The following TRPC5 variants were observed in gnomAD, a reference collection of about 807,000 sequenced individuals.
TRPC5 encodes short transient receptor potential channel 5.
In TRPC5, 9 loss-of-function variants were observed where a neutral mutation model predicts 56.5. That is an observed-to-expected ratio of 0.16 (90% CI 0.10 to 0.28). The LOEUF is 0.28. TRPC5 is among the 10% of genes least tolerant of loss of function. The pLI is 1.00. For synonymous variants in TRPC5, 282 were observed against 278.5 expected, an observed-to-expected ratio of 1.01 and a Z score of -0.13; for missense variants, 469 against 748.9, an observed-to-expected ratio of 0.63 and a Z score of 4.36.
intron 2 of TRPC5, among the ~76,000 whole-genome samples, chrX:111,949,642 G>A (rs1367293267): frequency 1.8e-5 from 2 of 111,708 alleles, no homozygotes; most frequent in Non-Finnish European, 3.8e-5. Flanking sequence ...ACCACAGAGC[G>A]ATACCACCTC....
chrX:111,865,895 T>C (rs1205003660), intron 3 of TRPC5, among the ~76,000 whole-genome samples: 3 of 112,849 alleles, frequency 2.7e-5, no homozygotes, highest in Non-Finnish European at 5.6e-5. Flanking sequence ...ACTCTTAACA[T>C]TGGAAGATTA....
At chrX:112,074,317 T>A (rs377264576) in intron 1 of TRPC5, among the ~76,000 whole-genome samples, 28 of 106,519 alleles carry the variant, frequency 2.6e-4, no homozygotes, top group African/African-American at 7.2e-4. Context: ...ATATATATAT[T>A]TTTTATTGGG....
intron 7 of TRPC5, among the ~76,000 whole-genome samples, chrX:111,787,998 G>A (rs1190017322): frequency 8.9e-6 from 1 of 111,943 alleles, no homozygotes; most frequent in Non-Finnish European, 1.9e-5. Flanking sequence ...AGAGGAGCTG[G>A]TACCATTCCT....
At chrX:111,972,677 A>G (rs1927816981) in intron 1 of TRPC5, among the ~76,000 whole-genome samples, 2 of 112,210 alleles carry the variant, frequency 1.8e-5, no homozygotes, top group South Asian at 7.4e-4. Flanking sequence ...CAAAGGTTGT[A>G]TACATTCTAC....
chrX:112,009,042 T>C (rs1928922109), intron 1 of TRPC5, among the ~76,000 whole-genome samples: 1 of 111,706 alleles, frequency 9.0e-6, no homozygotes, highest in African/African-American at 3.3e-5. Context: ...TTTTCTCAAA[T>C]GCTGCCCTAG....
intron 3 of TRPC5, chrX:111,903,407 G>A (rs968527263): frequency 7.1e-5 from 8 of 112,370 alleles, no homozygotes; most frequent in Admixed American, 3.8e-4. Context: ...GGAAAGCCAT[G>A]ATATGGAGTT....
chrX:111,987,942 A>G (rs987006185), intron 1 of TRPC5, among the ~76,000 whole-genome samples: 1 of 112,733 alleles, frequency 8.9e-6, no homozygotes, highest in African/African-American at 3.2e-5. Flanking sequence ...ATCCAGAAAT[A>G]TCCTTATGGA....
In TRPC5 at chrX:111,768,699, C is replaced by T. The variant is rs963860212; in HGVS notation, c.*7614G>A. On this transcript the variant is annotated 3_prime_UTR_variant, in exon 11 of 11. Coordinates refer to ENST00000262839, the MANE Select transcript of TRPC5 (RefSeq NM_012471.3). The stretch of plus-strand genomic sequence containing the variant: ...ACACTTAATTTTAAAGTTAATTTAT[C>T]GAATTGAATTTCCTTTTACATTAAA... Among the ~76,000 whole-genome samples the T allele has an allele frequency of 1.8e-5, 2 of 111,637 alleles. No individual in the cohort carries two copies. Among genetic ancestry groups the T allele is most frequent in the African/African-American group, 6.5e-5 (2 of 30,713 alleles).
intron 3 of TRPC5, chrX:111,902,231 TTCTC>T (rs1462153658): frequency 1.2e-6 from 1 of 855,409 alleles, no homozygotes; most frequent in African/African-American, 2.1e-5. Context: ...AACTGATCAT[TTCTC>T]TGTTTTAATA....
chrX:111,860,197 T>C lies in TRPC5; in HGVS notation c.901-6091A>G, dbSNP rs374574652. 1.7e-3 allele frequency among the ~76,000 whole-genome samples: 195 copies of C among 112,761 alleles called. 1 individual carries two copies. Among genetic ancestry groups the C allele is most frequent in the Middle Eastern group, 0.014 (3 of 217 alleles). ...TGCTGGGATTACAGGCGTGAGCCAC[T>C]ACGCCTGGCCTACTTATAGCCAGTT... is the stretch of plus-strand genomic sequence containing the variant. On this transcript the variant is annotated intron_variant, in intron 3 of 10. Coordinates refer to ENST00000262839, the MANE Select transcript of TRPC5 (RefSeq NM_012471.3).
intron 3 of TRPC5, among the ~76,000 whole-genome samples, chrX:111,861,812 C>T (rs1312873674): frequency 3.6e-5 from 4 of 111,373 alleles, no homozygotes; most frequent in African/African-American, 1.3e-4. Flanking sequence ...CAAGTGAAGC[C>T]TTATTAGTTC....
chrX:111,848,036 G>A (rs1248871515), intron 5 of TRPC5, among the ~76,000 whole-genome samples: 3 of 111,777 alleles, frequency 2.7e-5, no homozygotes, highest in Non-Finnish European at 5.6e-5. Flanking sequence ...TTAGCAGGCT[G>A]TAATGTATTC....
intron 3 of TRPC5, among the ~76,000 whole-genome samples, chrX:111,898,954 A>T (rs994696385): frequency 9.1e-6 from 1 of 110,251 alleles, no homozygotes; most frequent in Non-Finnish European, 1.9e-5. Flanking sequence ...CTAGGCATAA[A>T]CTATCCAAAA....
chrX:111,992,241 A>G (rs1354453690), intron 1 of TRPC5, among the ~76,000 whole-genome samples: 1 of 112,450 alleles, frequency 8.9e-6, no homozygotes, highest in Non-Finnish European at 1.9e-5. Flanking sequence ...GAAACTTTTG[A>G]AGGTGATGGA....
At chrX:112,018,487 T>C (rs1392093571) in intron 1 of TRPC5, among the ~76,000 whole-genome samples, 2 of 112,167 alleles carry the variant, frequency 1.8e-5, no homozygotes, top group Non-Finnish European at 3.8e-5. Context: ...TGTTGTTCCA[T>C]TTACAAATAT....
chrX:111,824,626 A>G (rs1335638127), intron 7 of TRPC5, among the ~76,000 whole-genome samples: 1 of 111,511 alleles, frequency 9.0e-6, no homozygotes, highest in Non-Finnish European at 1.9e-5. Flanking sequence ...GTGCTGAGCC[A>G]GGTAGACAGC....
intron 1 of TRPC5, among the ~76,000 whole-genome samples, chrX:111,970,775 G>GTT (rs761229610): frequency 1.1e-3 from 102 of 92,995 alleles, no homozygotes; most frequent in African/African-American, 4.1e-3. Context: ...TCACATTACC[G>GTT]TTTTTTTTTT....
intron 7 of TRPC5, among the ~76,000 whole-genome samples, chrX:111,798,830 A>G (rs779005464): frequency 8.9e-6 from 1 of 111,924 alleles, no homozygotes; most frequent in African/African-American, 3.2e-5. Flanking sequence ...TTCAAGAAAA[A>G]GTGAATTCAT....
At chrX:112,035,865 G>A (rs1276745859) in intron 1 of TRPC5, among the ~76,000 whole-genome samples, 1 of 109,326 alleles carries the variant, frequency 9.1e-6, no homozygotes, top group African/African-American at 3.3e-5. Flanking sequence ...TCTCGGTCTC[G>A]TGATCCACCC....
Sources: gnomAD v4.1 joint callset for allele counts (sites outside exome capture counted in the v4.1 genomes callset) on GRCh38, gnomAD v4.1.1 for gene constraint, MANE v1.5 for transcripts, NCBI Gene and HGNC (gene_info 2026-07-23, HGNC 2026-07-21) for gene names.